Variants in GREB1L observed in about 807,000 individuals in gnomAD.
GREB1L encodes the protein GREB1 like retinoic acid receptor coactivator.
GREB1L carries 17 observed loss-of-function variants against 200.8 expected under a neutral mutation model. That is an observed-to-expected ratio of 0.08 (90% confidence interval 0.06 to 0.13). The LOEUF is 0.13. GREB1L is among the 10% of genes least tolerant of loss of function. The pLI is 1.00. For synonymous variants in GREB1L, 789 were observed against 893.0 expected (o/e 0.88, Z 2.08); for missense variants, 1,657 against 2,367.7 (o/e 0.70, Z 6.23).
At chr18:21,299,696 T>G (rs945207403) in intron 1 of GREB1L, among the ~76,000 whole-genome samples, 4 of 152,194 alleles carry the variant, frequency 2.6e-5, no homozygotes, top group Non-Finnish European at 5.9e-5. Flanking sequence ...GTATTGAACT[T>G]AAATGCTTTA....
intron 2 of GREB1L, among the ~76,000 whole-genome samples, chr18:21,370,613 C>T (rs2039836050): frequency 6.6e-6 from 1 of 152,124 alleles, no homozygotes; most frequent in Non-Finnish European, 1.5e-5. Flanking sequence ...TAGAATTATT[C>T]TACAGATGAA....
intron 25 of GREB1L, among the ~76,000 whole-genome samples, chr18:21,507,852 C>T (rs2037078010): frequency 6.6e-6 from 1 of 152,188 alleles, no homozygotes; most frequent in African/African-American, 2.4e-5. Context: ...GCTCTGAGAG[C>T]ACACAGAATG....
In GREB1L at chr18:21,477,292, T is replaced by C; in HGVS notation, c.2492T>C (p.Leu831Pro). ...VLQVSSFPYT[L>P]QTQQSRISSS... ...CAGGTCAGCTCCTTCCCATACACTCTGCAGACCCAACAGTCCCGCATTAGC... is the reference window on the plus strand; with the variant it reads ...CAGGTCAGCTCCTTCCCATACACTCCGCAGACCCAACAGTCCCGCATTAGC... The change falls in exon 17 of 33, where the codon CTG (leucine) becomes CCG (proline). Residue 831 changes from leucine to proline, a missense_variant. By Grantham distance (98) the Leu-to-Pro change is moderately conservative (BLOSUM62 -3). Around this residue, in one of 9 missense-constraint regions of GREB1L, gnomAD observed 239 missense variants for 421.8 expected, o/e 0.57. Transcript: ENST00000424526. 6.4e-7 allele frequency: 1 copy of C among 1,551,728 alleles called. No homozygotes were observed. The highest frequency in any genetic ancestry group is 1.4e-5 in the African/African-American group (1 of 73,168).
At chr18:21,453,330 C>T (rs1182707541) in intron 14 of GREB1L, among the ~76,000 whole-genome samples, 1 of 152,190 alleles carries the variant, frequency 6.6e-6, no homozygotes, top group Non-Finnish European at 1.5e-5. Context: ...CCATCTAAAT[C>T]TCCACTTGCT....
chr18:21,458,987 G>A (rs967637831), intron 15 of GREB1L, among the ~76,000 whole-genome samples: 6 of 151,930 alleles, frequency 3.9e-5, no homozygotes, highest in African/African-American at 9.7e-5. Flanking sequence ...GTGACTGTCC[G>A]TTTTTTGCCT....
chr18:21,294,031 C>T (rs1288788643), intron 1 of GREB1L, among the ~76,000 whole-genome samples: 1 of 152,134 alleles, frequency 6.6e-6, no homozygotes, highest in Non-Finnish European at 1.5e-5. Flanking sequence ...ATCTGCCCAC[C>T]TCAGCCTTCC....
chr18:21,399,399 A>G (rs2041214689), intron 5 of GREB1L, among the ~76,000 whole-genome samples: 1 of 152,004 alleles, frequency 6.6e-6, no homozygotes, highest in African/African-American at 2.4e-5. Flanking sequence ...TCTAGCACAT[A>G]ATAGAGTACA....
chr18:21,381,161 G>A (rs1231715757), intron 2 of GREB1L, among the ~76,000 whole-genome samples: 2 of 152,210 alleles, frequency 1.3e-5, no homozygotes, highest in African/African-American at 2.4e-5. Context: ...AGAATGGCGT[G>A]AACCTGGGAG....
rs1189913629 is a variant in GREB1L at position 21,442,523 on chromosome 18, A to G, written c.1207+986A>G. 3.9e-5 allele frequency among the ~76,000 whole-genome samples: 6 copies of G among 152,174 alleles called. No individual in the cohort carries two copies. In the East Asian group the frequency reaches 9.6e-4, roughly 24 times the overall value. On this transcript the variant is annotated intron_variant, in intron 10 of 32. Transcript: ENST00000424526. ...GTGCCACTAAGCTTTGGAAAGATGCATAGAACGTGGGACCCTTTGGTCCTT... is the reference window on the plus strand; with the variant it reads ...GTGCCACTAAGCTTTGGAAAGATGCGTAGAACGTGGGACCCTTTGGTCCTT...
At chr18:21,246,432 ATAT>A (rs1482841166) in intron 1 of GREB1L, among the ~76,000 whole-genome samples, 1 of 152,184 alleles carries the variant, frequency 6.6e-6, no homozygotes, top group Non-Finnish European at 1.5e-5. Context: ...ATCTTAAAAC[ATAT>A]TATTGTTACT....
chr18:21,370,229 T>C (rs1195497977), intron 2 of GREB1L, among the ~76,000 whole-genome samples: 1 of 152,184 alleles, frequency 6.6e-6, no homozygotes, highest in Non-Finnish European at 1.5e-5. Flanking sequence ...TTATTCATTT[T>C]TTTTTACTCA....
chr18:21,386,539 T>C (rs551702159), intron 4 of GREB1L, among the ~76,000 whole-genome samples: 67 of 149,036 alleles, frequency 4.5e-4, no homozygotes, highest in Non-Finnish European at 7.8e-4. Context: ...TCCACCCTCC[T>C]CGGCTCCCAA....
At chr18:21,271,204 T>G (rs1373791057) in intron 1 of GREB1L, among the ~76,000 whole-genome samples, 1 of 152,238 alleles carries the variant, frequency 6.6e-6, no homozygotes, top group African/African-American at 2.4e-5. Flanking sequence ...TGAGTGGTTT[T>G]GGGCCCATTG....
intron 1 of GREB1L, among the ~76,000 whole-genome samples, chr18:21,361,642 C>A (rs2039581568): frequency 6.6e-6 from 1 of 151,838 alleles, no homozygotes. Context: ...GAAGAGTAAA[C>A]CCTTTTAGGG....
At chr18:21,501,398 T>C (rs1246245091) in intron 23 of GREB1L, among the ~76,000 whole-genome samples, 17 of 152,138 alleles carry the variant, frequency 1.1e-4, no homozygotes, top group Non-Finnish European at 1.5e-5. Context: ...TTTGTCCTAA[T>C]ACTCTCCCTC....
At chr18:21,260,681 AT>A (rs2037875558) in intron 1 of GREB1L, among the ~76,000 whole-genome samples, 2 of 105,952 alleles carry the variant, frequency 1.9e-5, no homozygotes, top group African/African-American at 2.6e-4. Flanking sequence ...CTAATTAAAA[AT>A]AGTTGTATGA....
intron 25 of GREB1L, among the ~76,000 whole-genome samples, chr18:21,507,697 A>G (rs1373614437): frequency 1.3e-5 from 2 of 152,200 alleles, no homozygotes; most frequent in Non-Finnish European, 2.9e-5. Context: ...GTCAAACCTG[A>G]TATTTAGAAA....
intron 1 of GREB1L, among the ~76,000 whole-genome samples, chr18:21,276,108 T>A (rs1406037442): frequency 6.6e-6 from 1 of 152,304 alleles, no homozygotes; most frequent in Non-Finnish European, 1.5e-5. Flanking sequence ...TTGTCTTGGG[T>A]CAGGTTTTTA....
chr18:21,483,233 C>T (rs138871554), intron 17 of GREB1L, among the ~76,000 whole-genome samples: 10 of 152,308 alleles, frequency 6.6e-5, no homozygotes, highest in African/African-American at 2.4e-4. Context: ...GAGCAGCAGG[C>T]TCGGAATAGG....
Sources: gnomAD v4.1 joint callset for allele counts (sites outside exome capture counted in the v4.1 genomes callset) on GRCh38, gnomAD v4.1.1 for gene constraint, gnomAD v4.1.1 regional missense constraint, MANE v1.5 for transcripts, NCBI Gene and HGNC (gene_info 2026-07-23, HGNC 2026-07-21) for gene names.